The following PCSK6 variants were observed in gnomAD, a reference collection of about 807,000 sequenced individuals.
PCSK6 encodes the protein paired basic amino acid cleaving enzyme 4.
A neutral mutation model predicts 123.3 loss-of-function variants in PCSK6; 85 were observed. The observed-to-expected ratio is 0.69, with a 90% CI of 0.58 to 0.83. The LOEUF is 0.83. PCSK6 is among the 40% of genes least tolerant of loss of function. The pLI is 0.00. For synonymous variants in PCSK6, 508 were observed against 516.0 expected, an observed-to-expected ratio of 0.98 and a Z score of 0.21; for missense variants, 1,191 against 1,282.3, an observed-to-expected ratio of 0.93 and a Z score of 1.09.
chr15:101,334,028 G>A (rs1183904064), intron 13 of PCSK6, among the ~76,000 whole-genome samples: 1 of 152,204 alleles, frequency 6.6e-6, no homozygotes, highest in East Asian at 1.9e-4. Context: ...GAAGAGGTAA[G>A]CAAGGCCCTC....
intron 6 of PCSK6, among the ~76,000 whole-genome samples, chr15:101,403,223 A>C (rs1373250845): frequency 7.1e-6 from 1 of 140,284 alleles, no homozygotes; most frequent in Non-Finnish European, 1.5e-5. Flanking sequence ...TTGAACAATG[A>C]GAACACATGG....
rs376073674 is a variant in PCSK6 at position 101,454,726 on chromosome 15, C to T, written c.298-11066G>A. ...GAGGCCGAGGCAGGTGGACAGATCA[C>T]ATGAGGTCAGGAGTTAGAGACCAGC... On this transcript the variant is annotated intron_variant, in intron 1 of 21. Coordinates refer to ENST00000611716, the MANE Select transcript of PCSK6 (RefSeq NM_002570.5). 9.2e-5 allele frequency among the ~76,000 whole-genome samples: 14 copies of T among 152,152 alleles called. No homozygotes were observed. The South Asian group carries it at 1.9e-3, about 20-fold the overall frequency.
intron 1 of PCSK6, among the ~76,000 whole-genome samples, chr15:101,475,329 A>C (rs919425058): frequency 5.9e-5 from 9 of 152,246 alleles, no homozygotes; most frequent in African/African-American, 1.9e-4. Flanking sequence ...GTGTTCAATG[A>C]AAAGCAACGT....
chr15:101,364,896 T>C (rs1288239234), intron 13 of PCSK6: 9 of 634,588 alleles, frequency 1.4e-5, no homozygotes, highest in Non-Finnish European at 2.4e-5. Context: ...CACTTTCTTA[T>C]TTCAAAACTT....
chr15:101,419,338 T>A (rs1214876167), intron 6 of PCSK6, among the ~76,000 whole-genome samples: 1 of 151,972 alleles, frequency 6.6e-6, no homozygotes, highest in Non-Finnish European at 1.5e-5. Context: ...TTTTAAAAAA[T>A]CTAGATATAT....
chr15:101,321,505 C>G (rs1036112662), intron 18 of PCSK6, among the ~76,000 whole-genome samples: 1 of 152,242 alleles, frequency 6.6e-6, no homozygotes, highest in African/African-American at 2.4e-5. Flanking sequence ...TCACAGGTTG[C>G]TGCAAAGATT....
intron 6 of PCSK6, among the ~76,000 whole-genome samples, chr15:101,399,390 G>A (rs574183293): frequency 6.6e-5 from 10 of 152,302 alleles, no homozygotes; most frequent in Middle Eastern, 3.4e-3. Flanking sequence ...CTGGGGTCTT[G>A]GACTTCGCTG....
intron 6 of PCSK6, among the ~76,000 whole-genome samples, chr15:101,418,899 A>G (rs1362010712): frequency 6.6e-6 from 1 of 152,250 alleles, no homozygotes; most frequent in East Asian, 1.9e-4. Flanking sequence ...CTCAATAGAT[A>G]CTTTTAAATA....
rs374308608 is a variant in PCSK6, at chr15:101,311,576, A to G, written c.2699+1800T>C. Among the ~76,000 whole-genome samples, 180 of 151,946 alleles carry G rather than the reference A, an allele frequency of 1.2e-3. 2 individuals carry two copies. The highest frequency in any genetic ancestry group is 4.2e-3 in the African/African-American group (172 of 41,356). ...GCCAATTCAACCTCTTTTCTTTATA[A>G]ATCACCCAACCTCAGGTATTTCTTT... On this transcript the variant is annotated intron_variant, in intron 20 of 21. Coordinates refer to ENST00000611716, the MANE Select transcript of PCSK6 (RefSeq NM_002570.5).
At chr15:101,445,789 G>A (rs1167686116) in intron 1 of PCSK6, among the ~76,000 whole-genome samples, 1 of 152,232 alleles carries the variant, frequency 6.6e-6, no homozygotes, top group Non-Finnish European at 1.5e-5. Flanking sequence ...ACGAAGAGTT[G>A]AATAAAACTT....
At chr15:101,471,085 G>A (rs976322653) in intron 1 of PCSK6, among the ~76,000 whole-genome samples, 5 of 152,060 alleles carry the variant, frequency 3.3e-5, no homozygotes, top group African/African-American at 1.2e-4. Flanking sequence ...ACATTTACTG[G>A]GAAGCTTCTC....
chr15:101,450,256 G>A (rs932892898), intron 1 of PCSK6, among the ~76,000 whole-genome samples: 82 of 151,690 alleles, frequency 5.4e-4, no homozygotes, highest in Middle Eastern at 6.8e-3. Context: ...TCCTTGTCTC[G>A]GAGAATACAC....
At chr15:101,439,860 C>A (rs1287897472) in intron 2 of PCSK6, among the ~76,000 whole-genome samples, 2 of 152,150 alleles carry the variant, frequency 1.3e-5, no homozygotes, top group East Asian at 3.8e-4. Context: ...CCCAAGCCTC[C>A]TACGGCCCTA....
At chr15:101,403,973 G>A (rs1047526632) in intron 6 of PCSK6, among the ~76,000 whole-genome samples, 4 of 152,144 alleles carry the variant, frequency 2.6e-5, no homozygotes, top group Admixed American at 6.5e-5. Flanking sequence ...CGCCCACCTC[G>A]CAGGCCATTG....
At chr15:101,487,356 G>C (rs1010993253) in intron 1 of PCSK6, among the ~76,000 whole-genome samples, 1 of 152,210 alleles carries the variant, frequency 6.6e-6, no homozygotes, top group Non-Finnish European at 1.5e-5. Flanking sequence ...GGGAGACCCC[G>C]ATTAACTCCC....
intron 6 of PCSK6, among the ~76,000 whole-genome samples, chr15:101,405,415 G>A (rs554870402): frequency 1.6e-4 from 24 of 152,222 alleles, no homozygotes; most frequent in East Asian, 1.2e-3. Flanking sequence ...GGTGTGAGGC[G>A]GGAGGAGTGT....
intron 6 of PCSK6, among the ~76,000 whole-genome samples, chr15:101,410,625 T>C (rs753689435): frequency 7.9e-5 from 12 of 152,170 alleles, no homozygotes; most frequent in Non-Finnish European, 1.6e-4. Flanking sequence ...AGTATACAGT[T>C]ATACACTGCG....
intron 17 of PCSK6, among the ~76,000 whole-genome samples, chr15:101,323,882 G>A (rs1367500083): frequency 2.6e-5 from 4 of 152,322 alleles, no homozygotes; most frequent in Admixed American, 2.0e-4. Context: ...GAGGAGGGCC[G>A]TGGGGAGGCC....
intron 6 of PCSK6, among the ~76,000 whole-genome samples, chr15:101,402,478 C>T (rs1421404153): frequency 6.6e-6 from 1 of 152,074 alleles, no homozygotes; most frequent in Non-Finnish European, 1.5e-5. Context: ...TCAGAGTGAA[C>T]AGGCAACCTA....
Sources: allele counts gnomAD v4.1 joint callset (sites outside exome capture counted in the v4.1 genomes callset), GRCh38; gene constraint gnomAD v4.1.1; transcripts MANE v1.5; gene names NCBI Gene and HGNC (gene_info 2026-07-23, HGNC 2026-07-21).